The following NEO1 variants were observed in gnomAD, a reference collection of about 807,000 sequenced individuals.
NEO1 encodes the protein neogenin.
In NEO1, 63 loss-of-function variants were observed where a neutral mutation model predicts 159.7. That is an observed-to-expected ratio of 0.39 (90% CI 0.32 to 0.49). The LOEUF is 0.49. Ranked by LOEUF, NEO1 falls within the 20% of genes least tolerant of loss-of-function variation. The pLI, the probability that NEO1 is intolerant of heterozygous loss-of-function variation, is 0.85. For missense variants in NEO1, 1,615 were observed against 1,831.0 expected (o/e 0.88, Z 2.15); for synonymous variants, 633 against 662.0 (o/e 0.96, Z 0.67).
chr15:73,052,267 G>T (rs867806292), upstream of NEO1, among the ~76,000 whole-genome samples: 1,981 of 144,430 alleles, frequency 0.014, 19 homozygotes, highest in South Asian at 0.017. Context: ...CGAGGCGCGC[G>T]CGTGCGCGTG....
chr15:73,236,568 T>C, intron 8 of NEO1, 62 bp downstream of exon 8: 2 of 1,458,132 alleles, frequency 1.4e-6, no homozygotes. Context: ...CTTGTCATGC[T>C]CACCCTGGCT....
intron 5 of NEO1, among the ~76,000 whole-genome samples, chr15:73,174,067 T>C (rs1225343622): frequency 1.4e-5 from 2 of 147,816 alleles, no homozygotes; most frequent in Non-Finnish European, 3.0e-5. Context: ...GCCATTGCAC[T>C]CCAGTCTGGG....
chr15:73,289,133 G>A lies in NEO1; in HGVS notation c.3650-13G>A, dbSNP rs542233790. The A allele has an allele frequency of 3.1e-5, 50 of 1,612,668 alleles. No homozygotes were observed. The highest frequency in any genetic ancestry group is 3.8e-5 in the Non-Finnish European group (45 of 1,179,006). ...GCACATGCTGGTAACTAACCTCCAC[G>A]TTTAACATCTAGGGCATGAGTCAGA... On this transcript the variant is annotated splice_polypyrimidine_tract_variant and intron_variant, in intron 24 of 28. Coordinates refer to ENST00000261908, the MANE Select transcript of NEO1 (RefSeq NM_002499.4).
chr15:73,195,654 T>C (rs908733639), intron 7 of NEO1, among the ~76,000 whole-genome samples: 1 of 152,200 alleles, frequency 6.6e-6, no homozygotes. Context: ...ACCAGAATTA[T>C]TGCCTGAGTT....
intron 7 of NEO1, among the ~76,000 whole-genome samples, chr15:73,179,024 T>A (rs2035446270): frequency 6.6e-6 from 1 of 152,180 alleles, no homozygotes; most frequent in African/African-American, 2.4e-5. Context: ...AGAATACAAT[T>A]AATTTACCTT....
intron 4 of NEO1, among the ~76,000 whole-genome samples, chr15:73,134,706 C>T (rs11630441): frequency 0.081 from 12,293 of 152,026 alleles, 591 homozygotes; most frequent in Non-Finnish European, 0.1. Context: ...TGCACCACCA[C>T]GCCTGGCTAA....
intron 5 of NEO1, among the ~76,000 whole-genome samples, chr15:73,166,025 T>A (rs1028392878): frequency 6.6e-6 from 1 of 152,222 alleles, no homozygotes; most frequent in Non-Finnish European, 1.5e-5. Flanking sequence ...CAAACCTCCC[T>A]GTGCAAGTTC....
At chr15:73,301,781 C>T (rs2042626783) in intron 28 of NEO1, among the ~76,000 whole-genome samples, 1 of 152,100 alleles carries the variant, frequency 6.6e-6, no homozygotes, top group African/African-American at 2.4e-5. Flanking sequence ...GATTCTCCTG[C>T]CTCAGCCTCC....
At chr15:73,168,386 G>C (rs1358003643) in intron 5 of NEO1, among the ~76,000 whole-genome samples, 1 of 96,096 alleles carries the variant, frequency 1.0e-5, no homozygotes, top group Non-Finnish European at 2.0e-5. Context: ...GGGTGGGGGG[G>C]GGGGGTCTCA....
intron 7 of NEO1, among the ~76,000 whole-genome samples, chr15:73,226,374 G>A (rs1433422478): frequency 6.6e-6 from 1 of 152,158 alleles, no homozygotes. Context: ...TTTTAAAGCG[G>A]CTCTCTGCTA....
chr15:73,051,881 G>A (rs1342485381), upstream of NEO1: 1 of 152,186 alleles, frequency 6.6e-6, no homozygotes, highest in Non-Finnish European at 1.5e-5. Context: ...CCTATATAGA[G>A]GCTCCAGGCC....
chr15:73,272,620 TC>T, intron 19 of NEO1, 58 bp downstream of exon 19: 1 of 1,194,052 alleles, frequency 8.4e-7, no homozygotes, highest in Non-Finnish European at 1.2e-6. Context: ...ACAGGAGTAT[TC>T]CAGGAGAGTA....
chr15:73,148,063 C>T (rs1004202930), intron 5 of NEO1, among the ~76,000 whole-genome samples: 5 of 152,138 alleles, frequency 3.3e-5, no homozygotes, highest in Middle Eastern at 3.4e-3. Context: ...TCCACCCACC[C>T]CGGCCTCCCA....
intron 1 of NEO1, among the ~76,000 whole-genome samples, chr15:73,113,179 C>CT (rs139631574): frequency 0.33 from 47,034 of 144,520 alleles, 8,251 homozygotes; most frequent in Middle Eastern, 0.45. Context: ...CTCTTACTGG[C>CT]TTTTTTTTTT....
At position 73,223,071 on chromosome 15, in the gene NEO1, G is replaced by T. The variant is rs956795251; in HGVS notation, c.1292-13276G>T. On this transcript the variant is annotated intron_variant, in intron 7 of 28. Coordinates refer to ENST00000261908, the MANE Select transcript of NEO1 (RefSeq NM_002499.4). ...TTTGAACCTGCTCTTTCAGGAGCAGGTTATTTAATTTCCATGTATTTGCAT... is the reference window on the plus strand; with the variant it reads ...TTTGAACCTGCTCTTTCAGGAGCAGTTTATTTAATTTCCATGTATTTGCAT... 6.6e-5 allele frequency among the ~76,000 whole-genome samples: 10 copies of T among 152,090 alleles called. No homozygotes were observed. The South Asian group carries it at 8.3e-4, about 13-fold the overall frequency.
chr15:73,302,542 C>T, intron 28 of NEO1, 71 bp from the exon 29 acceptor site: 1 of 1,415,094 alleles, frequency 7.1e-7, no homozygotes. Flanking sequence ...GAGGCTTTGG[C>T]CTCTCTCTGG....
chr15:73,279,649 C>T (rs1596572989), intron 22 of NEO1, among the ~76,000 whole-genome samples: 1 of 152,062 alleles, frequency 6.6e-6, no homozygotes, highest in Non-Finnish European at 1.5e-5. Context: ...ACGCCCGGGG[C>T]CCGCGTGCAC....
At chr15:73,250,006 G>A (rs1255101332) in intron 11 of NEO1, among the ~76,000 whole-genome samples, 1 of 152,168 alleles carries the variant, frequency 6.6e-6, no homozygotes, top group Non-Finnish European at 1.5e-5. Context: ...AAGCTTTTGT[G>A]TAAGTAAATA....
chr15:73,054,994 A>G (rs1567089547), intron 1 of NEO1, among the ~76,000 whole-genome samples: 1 of 152,304 alleles, frequency 6.6e-6, no homozygotes, highest in East Asian at 1.9e-4. Context: ...GTGGAGAAAA[A>G]TAGAGATGTG....
Sources: allele counts gnomAD v4.1 joint callset (sites outside exome capture counted in the v4.1 genomes callset), GRCh38; gene constraint gnomAD v4.1.1; transcripts MANE v1.5; gene names NCBI Gene and HGNC (gene_info 2026-07-23, HGNC 2026-07-21).